LARS2: variants seen among roughly 807,000 people sequenced by gnomAD.
The protein encoded by LARS2 is leucyl-tRNA synthetase 2, mitochondrial.
In LARS2, 81 loss-of-function variants were observed where a neutral mutation model predicts 116.6. The observed-to-expected ratio is 0.69, with a 90% CI of 0.58 to 0.84. LARS2 has a LOEUF of 0.84. LARS2 is among the 40% of genes least tolerant of loss of function. LARS2 has a pLI of 0.00. For missense variants in LARS2, 968 were observed against 1,114.5 expected (o/e 0.87, Z 1.87); for synonymous variants, 396 against 407.2 (o/e 0.97, Z 0.33).
intron 6 of LARS2, among the ~76,000 whole-genome samples, chr3:45,428,986 TAA>T (rs2125693540): frequency 6.6e-6 from 1 of 152,294 alleles, no homozygotes; most frequent in East Asian, 1.9e-4. Flanking sequence ...GACACAGCCA[TAA>T]TACCATTTTG....
At chr3:45,400,003 G>T (rs1698116801) in intron 3 of LARS2, among the ~76,000 whole-genome samples, 2 of 151,930 alleles carry the variant, frequency 1.3e-5, no homozygotes, top group Non-Finnish European at 1.5e-5. Flanking sequence ...AAAAAAAAAA[G>T]ATATATGGGT....
intron 10 of LARS2, among the ~76,000 whole-genome samples, chr3:45,482,281 TC>T (rs1332607017): frequency 1.2e-4 from 19 of 152,254 alleles, no homozygotes. Context: ...TGGGCTTTTT[TC>T]ATGTTTGGGG....
At chr3:45,523,339 T>C (rs781053656) in intron 19 of LARS2, among the ~76,000 whole-genome samples, 27 of 152,192 alleles carry the variant, frequency 1.8e-4, no homozygotes, top group Admixed American at 6.5e-4. Context: ...TGCATTTCTC[T>C]GTGGACCTGC....
intron 20 of LARS2, among the ~76,000 whole-genome samples, chr3:45,530,765 A>G (rs2118749): frequency 0.57 from 86,332 of 152,158 alleles, 29,126 homozygotes; most frequent in East Asian, 0.78. Context: ...TTGTGCTTCA[A>G]TGATTTAACT....
At chr3:45,543,352 C>T in intron 21 of LARS2, among the ~76,000 whole-genome samples, 1 of 152,012 alleles carries the variant, frequency 6.6e-6, no homozygotes, top group East Asian at 1.9e-4. Context: ...CACTCTGTTG[C>T]CTGGGCTGGT....
At chr3:45,473,446 G>A (rs1191936109) in intron 8 of LARS2, among the ~76,000 whole-genome samples, 3 of 151,632 alleles carry the variant, frequency 2.0e-5, no homozygotes, top group Admixed American at 1.3e-4. Context: ...GTACAGTGGT[G>A]TAATCTCGGC....
intron 6 of LARS2, among the ~76,000 whole-genome samples, chr3:45,433,616 A>G (rs541387475): frequency 1.3e-5 from 2 of 152,162 alleles, no homozygotes; most frequent in Non-Finnish European, 2.9e-5. Context: ...TTTTTGCTTC[A>G]ACCATCAAAT....
chr3:45,518,483 G>A (rs1268271866), intron 18 of LARS2, among the ~76,000 whole-genome samples: 1 of 152,180 alleles, frequency 6.6e-6, no homozygotes, highest in Non-Finnish European at 1.5e-5. Flanking sequence ...GGGGCATTAA[G>A]AAACTATCCT....
chr3:45,447,846 G>A, intron 7 of LARS2, among the ~76,000 whole-genome samples: 1 of 152,288 alleles, frequency 6.6e-6, no homozygotes, highest in East Asian at 1.9e-4. Context: ...GACTTGGAAT[G>A]GTGGGAGATG....
intron 7 of LARS2, among the ~76,000 whole-genome samples, chr3:45,457,987 C>A (rs947110486): frequency 3.9e-5 from 6 of 152,110 alleles, no homozygotes; most frequent in African/African-American, 9.7e-5. Context: ...GAAGGCACAA[C>A]AGAGTTTTCT....
chr3:45,449,319 C>T (rs1278891411), intron 7 of LARS2, among the ~76,000 whole-genome samples: 3 of 152,078 alleles, frequency 2.0e-5, no homozygotes, highest in Non-Finnish European at 4.4e-5. Flanking sequence ...TGCGCCACCA[C>T]GCCCAGCTAA....
rs1700894054 is a variant in LARS2, at chr3:45,547,583, C to A, written c.*53C>A. On this transcript the variant is annotated 3_prime_UTR_variant, in exon 22 of 22. Transcript: ENST00000645846. ...GGCCTCTGAGGAACCTCCTTCCAGG[C>A]CTGGGATGAGGGGGCGATGTCTGCT... 1 of 1,498,228 alleles carries A rather than the reference C, an allele frequency of 6.7e-7. No individual in the cohort carries two copies. The highest frequency in any genetic ancestry group is 9.1e-7 in the Non-Finnish European group (1 of 1,103,876). The allele number at this position is 1,498,228 out of a possible 1,614,324, so 92.8% of individuals were successfully genotyped here.
At chr3:45,510,161 C>G (rs1700265958) in intron 15 of LARS2, among the ~76,000 whole-genome samples, 1 of 151,960 alleles carries the variant, frequency 6.6e-6, no homozygotes, top group African/African-American at 2.4e-5. Flanking sequence ...GCCTGTAATC[C>G]CAGCATTTTG....
Position 45,516,256 on chromosome 3 carries a change from A to G in LARS2, c.2024A>G (p.Asp675Gly). The change falls in exon 17 of 22, where the codon GAT becomes GGT. Residue 675 changes from aspartate to glycine, a missense_variant. Coordinates refer to ENST00000645846, the MANE Select transcript of LARS2 (RefSeq NM_015340.4). ...YILFAAPPEKDILWDVKTDAL... is the reference protein window; with the variant it reads ...YILFAAPPEKGILWDVKTDAL... ...CTTTTTGCTGCCCCTCCTGAGAAGGATATCTTGTGGGATGTGAAAAGTAAG... is the reference window on the plus strand; with the variant it reads ...CTTTTTGCTGCCCCTCCTGAGAAGGGTATCTTGTGGGATGTGAAAAGTAAG... 6.2e-7 allele frequency: 1 copy of G among 1,613,982 alleles called. No homozygotes were observed. Among genetic ancestry groups the G allele is most frequent in the Non-Finnish European group, 8.5e-7 (1 of 1,179,936 alleles).
At chr3:45,430,937 C>T (rs1337488460) in intron 6 of LARS2, among the ~76,000 whole-genome samples, 17 of 152,046 alleles carry the variant, frequency 1.1e-4, no homozygotes. Flanking sequence ...CTCTAAAATT[C>T]ATATATTGAA....
chr3:45,468,155 C>T (rs527577241), intron 8 of LARS2, among the ~76,000 whole-genome samples: 8 of 152,102 alleles, frequency 5.3e-5, no homozygotes, highest in East Asian at 3.9e-4. Context: ...GCATGATATC[C>T]GGGTTAGATC....
At chr3:45,474,032 G>C (rs920988045) in intron 8 of LARS2, among the ~76,000 whole-genome samples, 1 of 152,050 alleles carries the variant, frequency 6.6e-6, no homozygotes, top group African/African-American at 2.4e-5. Flanking sequence ...CAGCGAAATC[G>C]GTCAAACCCA....
intron 14 of LARS2, among the ~76,000 whole-genome samples, chr3:45,498,214 G>A (rs529928486): frequency 2.1e-4 from 32 of 152,320 alleles, no homozygotes; most frequent in Admixed American, 1.1e-3. Context: ...TCCTGAGACC[G>A]TCACAGCCCC....
intron 11 of LARS2, 29 bp downstream of exon 11, chr3:45,485,825 C>A (rs371456983): frequency 1.0e-5 from 14 of 1,395,708 alleles, no homozygotes; most frequent in Non-Finnish European, 1.3e-5. Flanking sequence ...GTAACCACAA[C>A]GGTATATTTT....
Sources: gnomAD v4.1 joint callset for allele counts (sites outside exome capture counted in the v4.1 genomes callset) on GRCh38, gnomAD v4.1.1 for gene constraint, MANE v1.5 for transcripts, NCBI Gene and HGNC (gene_info 2026-07-23, HGNC 2026-07-21) for gene names.